GULP1: variants seen among roughly 807,000 people sequenced by gnomAD.
GULP1 encodes the protein GULP PTB domain containing engulfment adaptor 1.
GULP1 carries 19 observed loss-of-function variants against 40.9 expected under a neutral mutation model. The observed-to-expected ratio is 0.46, with a 90% confidence interval of 0.32 to 0.68. The LOEUF (loss-of-function observed/expected upper bound fraction) is 0.68. Among genes scored for constraint, GULP1 ranks in the 30% least tolerant of loss-of-function variants. GULP1 has a pLI of 0.03. For missense variants in GULP1, 312 were observed against 362.2 expected (o/e 0.86, Z 1.12); for synonymous variants, 119 against 117.6 (o/e 1.01, Z -0.08).
chr2:188,463,121 C>T (rs1168721740), intron 2 of GULP1, among the ~76,000 whole-genome samples: 3 of 152,096 alleles, frequency 2.0e-5, no homozygotes, highest in Non-Finnish European at 2.9e-5. Context: ...TTTGTATCTT[C>T]ATTAACATTT....
chr2:188,298,972 G>A (rs1211443359), intron 1 of GULP1, among the ~76,000 whole-genome samples: 6 of 152,136 alleles, frequency 3.9e-5, no homozygotes, highest in Admixed American at 2.6e-4. Context: ...GAGGAGAAGG[G>A]GATCTTACTA....
intron 2 of GULP1, among the ~76,000 whole-genome samples, chr2:188,457,139 C>T (rs773029952): frequency 3.3e-5 from 5 of 152,120 alleles, no homozygotes; most frequent in Admixed American, 2.0e-4. Flanking sequence ...ATCTCAGATG[C>T]GACTTTGGAC....
intron 1 of GULP1, among the ~76,000 whole-genome samples, chr2:188,321,327 T>A (rs2039949571): frequency 1.3e-5 from 2 of 152,300 alleles, no homozygotes; most frequent in South Asian, 4.1e-4. Flanking sequence ...TTTCAAAAGA[T>A]TTGAAAATGG....
At chr2:188,588,868 C>T (rs1311307272) in intron 11 of GULP1, 1 of 152,108 alleles carries the variant, frequency 6.6e-6, no homozygotes, top group African/African-American at 2.4e-5. Context: ...AATTTAAATG[C>T]CCTTTTACTC....
At chr2:188,511,070 C>G (rs1338434426) in intron 4 of GULP1, among the ~76,000 whole-genome samples, 2 of 152,102 alleles carry the variant, frequency 1.3e-5, no homozygotes, top group African/African-American at 4.8e-5. Context: ...CTCACAAGAA[C>G]ACTGAGATTT....
chr2:188,431,393 T>G (rs764029737), intron 2 of GULP1, among the ~76,000 whole-genome samples: 2 of 152,142 alleles, frequency 1.3e-5, no homozygotes, highest in Non-Finnish European at 2.9e-5. Context: ...GCATCTCAGG[T>G]CTTCTCAAAG....
chr2:188,323,773 A>C lies in GULP1; in HGVS notation c.-172+31607A>C, dbSNP rs917660201. Among the ~76,000 whole-genome samples, 22 of 151,208 alleles carry C rather than the reference A, an allele frequency of 1.5e-4. No homozygotes were observed. The Admixed American group carries it at 1.5e-3, about 10-fold the overall frequency. On this transcript the variant is annotated intron_variant, in intron 1 of 11. Transcript: ENST00000409830. ...TTTTTTTTCAGTTTTGTATGTGCTC[A>C]TTAAATGTAGTCATTTAGAACTATT...
At position 188,538,797 on chromosome 2, in the gene GULP1, A is replaced by G. The variant is rs114310804; in HGVS notation, c.262-2384A>G. On this transcript the variant is annotated intron_variant, in intron 6 of 11. Coordinates refer to ENST00000409830, the MANE Select transcript of GULP1 (RefSeq NM_016315.4). ...ATTTACAGACATGCATTTAGAAACT[A>G]CTATTCAAGGACATATACATAAGTG... Among the ~76,000 whole-genome samples, 423 of 152,070 alleles carry G rather than the reference A, an allele frequency of 2.8e-3. 2 individuals carry two copies. The highest frequency in any genetic ancestry group is 9.8e-3 in the African/African-American group (407 of 41,486).
rs1187777295 is a variant in GULP1 at position 188,496,079 on chromosome 2, G to A, written c.90+12587G>A. On this transcript the variant is annotated intron_variant, in intron 4 of 11. Transcript: ENST00000409830. Reference sequence around the variant, plus strand: ...ATCTGTGACAGAATTACCCACTAATGATGATAAGCATGGCAGCAATGGCTA... The same window carrying A: ...ATCTGTGACAGAATTACCCACTAATAATGATAAGCATGGCAGCAATGGCTA... Among the ~76,000 whole-genome samples, 8 of 152,120 alleles carry A rather than the reference G, an allele frequency of 5.3e-5. No homozygotes were observed. The East Asian group carries it at 5.8e-4, about 11-fold the overall frequency.
chr2:188,372,642 A>G (rs2047748330), intron 1 of GULP1, among the ~76,000 whole-genome samples: 1 of 152,050 alleles, frequency 6.6e-6, no homozygotes, highest in African/African-American at 2.4e-5. Flanking sequence ...TCTGTAGATT[A>G]TTTTGACCTA....
chr2:188,348,821 C>A (rs1421801924), intron 1 of GULP1, among the ~76,000 whole-genome samples: 1 of 152,080 alleles, frequency 6.6e-6, no homozygotes, highest in East Asian at 1.9e-4. Flanking sequence ...GGAACCAGTC[C>A]CCCTCCGATA....
At chr2:188,410,972 A>T (rs934152067) in intron 2 of GULP1, among the ~76,000 whole-genome samples, 1 of 152,210 alleles carries the variant, frequency 6.6e-6, no homozygotes, top group Non-Finnish European at 1.5e-5. Flanking sequence ...TTGTTTACTC[A>T]TGTGGTCATA....
At chr2:188,440,652 C>G (rs2057836734) in intron 2 of GULP1, among the ~76,000 whole-genome samples, 1 of 152,098 alleles carries the variant, frequency 6.6e-6, no homozygotes, top group African/African-American at 2.4e-5. Context: ...GCAACCTTCG[C>G]CTCCTGGGTT....
intron 9 of GULP1, among the ~76,000 whole-genome samples, chr2:188,577,798 C>T (rs66641143): frequency 0.13 from 19,899 of 151,954 alleles, 3,212 homozygotes; most frequent in African/African-American, 0.39. Flanking sequence ...AAGTCATTAC[C>T]TTTAAACTTT....
chr2:188,470,089 G>A (rs779741015), intron 2 of GULP1, among the ~76,000 whole-genome samples: 9 of 152,020 alleles, frequency 5.9e-5, no homozygotes, highest in Non-Finnish European at 5.9e-5. Context: ...GAGTTTGGAA[G>A]TATTCTCTCC....
At chr2:188,377,158 C>T (rs376515539) in intron 1 of GULP1, among the ~76,000 whole-genome samples, 5 of 149,164 alleles carry the variant, frequency 3.4e-5, no homozygotes, top group African/African-American at 7.4e-5. Flanking sequence ...GGCAACAGAG[C>T]GAGACTCCAT....
chr2:188,589,532 G>T (rs1248443980), intron 11 of GULP1: 3 of 362,956 alleles, frequency 8.3e-6, no homozygotes, highest in Non-Finnish European at 1.5e-5. Flanking sequence ...AAATTTTTTA[G>T]ATTTTCCCAA....
chr2:188,507,212 T>C (rs1252549980), intron 4 of GULP1, among the ~76,000 whole-genome samples: 1 of 151,868 alleles, frequency 6.6e-6, no homozygotes, highest in East Asian at 1.9e-4. Flanking sequence ...TAAAATGCTA[T>C]CTATCTTCAA....
intron 1 of GULP1, among the ~76,000 whole-genome samples, chr2:188,330,314 C>T (rs547150509): frequency 7.2e-5 from 11 of 152,160 alleles, no homozygotes; most frequent in Middle Eastern, 6.8e-3. Flanking sequence ...ACTGACATGT[C>T]TATGTAAACT....
Sources: gnomAD v4.1 joint callset for allele counts (sites outside exome capture counted in the v4.1 genomes callset) on GRCh38, gnomAD v4.1.1 for gene constraint, MANE v1.5 for transcripts, NCBI Gene and HGNC (gene_info 2026-07-23, HGNC 2026-07-21) for gene names.